The following GFRA1 variants were observed in gnomAD, a reference collection of about 807,000 sequenced individuals.
GFRA1 encodes the protein GDNF family receptor alpha 1, also known as GDNF family receptor alpha-1.
Under a neutral mutation model 51.6 loss-of-function variants are expected in GFRA1, and 16 were observed. The ratio of observed to expected loss-of-function variants is 0.31; its 90% confidence interval spans 0.21 to 0.47. GFRA1 has a LOEUF of 0.47. GFRA1 is among the 20% of genes least tolerant of loss of function. The pLI is 1.00. For synonymous variants in GFRA1, 270 were observed against 241.3 expected (o/e 1.12, Z -1.10); for missense variants, 530 against 594.3 (o/e 0.89, Z 1.13).
chr10:116,191,235 A>G (rs1963233592), intron 5 of GFRA1, among the ~76,000 whole-genome samples: 1 of 152,228 alleles, frequency 6.6e-6, no homozygotes, highest in Admixed American at 6.5e-5. Context: ...TTGAGTGTGC[A>G]TCTATAAATG....
chr10:116,264,993 T>A (rs1441284941), intron 4 of GFRA1, among the ~76,000 whole-genome samples: 1 of 152,236 alleles, frequency 6.6e-6, no homozygotes, highest in Non-Finnish European at 1.5e-5. Context: ...ACATGTAGAC[T>A]TTGTGATAAC....
intron 5 of GFRA1, among the ~76,000 whole-genome samples, chr10:116,196,848 T>TATATATA (rs71010069): frequency 8.3e-6 from 1 of 120,758 alleles, no homozygotes; most frequent in Non-Finnish European, 1.6e-5. Context: ...TATATATATA[T>TATATATA]TTTTTTTCCC....
At chr10:116,204,667 C>T (rs761363394) in intron 5 of GFRA1, among the ~76,000 whole-genome samples, 55 of 151,924 alleles carry the variant, frequency 3.6e-4, no homozygotes, top group Non-Finnish European at 7.2e-4. Context: ...CTCCAAGTGG[C>T]CAAAATGGGA....
chr10:116,181,460 A>G (rs1006101239), intron 5 of GFRA1, among the ~76,000 whole-genome samples: 20 of 152,176 alleles, frequency 1.3e-4, no homozygotes, highest in African/African-American at 4.6e-4. Flanking sequence ...TCTGCCATCC[A>G]TCTCAACACC....
chr10:116,228,271 A>C (rs143924242), intron 4 of GFRA1, among the ~76,000 whole-genome samples: 8 of 152,300 alleles, frequency 5.3e-5, no homozygotes, highest in Non-Finnish European at 1.2e-4. Context: ...ATGTCACTGC[A>C]AACCAAAAGT....
chr10:116,255,742 T>A (rs1366011230), intron 4 of GFRA1: 3 of 1,289,130 alleles, frequency 2.3e-6, no homozygotes. Flanking sequence ...CTTCTTTACA[T>A]GGCATTGCAC....
chr10:116,124,894 G>C (rs949787039), intron 6 of GFRA1, among the ~76,000 whole-genome samples: 2 of 152,166 alleles, frequency 1.3e-5, no homozygotes, highest in African/African-American at 4.8e-5. Flanking sequence ...AGCAGCAGGT[G>C]TGTGCCTTAA....
At chr10:116,155,198 T>C (rs963527878) in intron 5 of GFRA1, among the ~76,000 whole-genome samples, 2 of 152,152 alleles carry the variant, frequency 1.3e-5, no homozygotes, top group African/African-American at 4.8e-5. Context: ...GGGAAATAGA[T>C]TTAAAACAGG....
rs1438891687 is a variant in GFRA1 at position 116,062,813 on chromosome 10, G to T, written c.*1585C>A. ...TGCACTTTCGGGTCTACTTAGTTAAGAAAGAGAATAATGGAAGATGATAAG... is the reference window on the plus strand; with the variant it reads ...TGCACTTTCGGGTCTACTTAGTTAATAAAGAGAATAATGGAAGATGATAAG... On this transcript the variant is annotated 3_prime_UTR_variant, in exon 11 of 11. Coordinates refer to ENST00000355422, the MANE Select transcript of GFRA1 (RefSeq NM_005264.8). 6.6e-6 allele frequency: 1 copy of T among 152,206 alleles called. No homozygotes were observed. The highest frequency in any genetic ancestry group is 1.9e-4 in the East Asian group (1 of 5,192). 9.4% of individuals were successfully genotyped at this position (152,206 alleles called of 1,614,324 possible).
At chr10:116,087,701 C>CGACA (rs1369211594) in intron 9 of GFRA1, among the ~76,000 whole-genome samples, 1 of 152,074 alleles carries the variant, frequency 6.6e-6, no homozygotes, top group East Asian at 1.9e-4. Context: ...TTGTCTTTAC[C>CGACA]GACACCAGAA....
chr10:116,201,169 A>G (rs975127573), intron 5 of GFRA1, among the ~76,000 whole-genome samples: 4 of 152,144 alleles, frequency 2.6e-5, no homozygotes, highest in African/African-American at 9.7e-5. Context: ...GTGGAATTCC[A>G]TCCACTCAGG....
At chr10:116,253,055 T>C (rs190009693) in intron 4 of GFRA1, among the ~76,000 whole-genome samples, 3 of 152,296 alleles carry the variant, frequency 2.0e-5, no homozygotes, top group African/African-American at 7.2e-5. Context: ...CAGACTATGT[T>C]TGAGTTATGG....
intron 5 of GFRA1, among the ~76,000 whole-genome samples, chr10:116,196,274 G>A (rs543553356): frequency 8.6e-5 from 13 of 151,098 alleles, no homozygotes; most frequent in South Asian, 4.2e-4. Flanking sequence ...TGGATCACAA[G>A]GTCAGGAGCT....
chr10:116,269,737 G>A (rs1969950100), intron 3 of GFRA1, 151 bp from the exon 4 acceptor site: 1 of 672,338 alleles, frequency 1.5e-6, no homozygotes, highest in African/African-American at 1.8e-5. Context: ...CTTTCACTAT[G>A]GTTATTTCTT....
intron 5 of GFRA1, among the ~76,000 whole-genome samples, chr10:116,130,570 T>C (rs961120303): frequency 6.6e-6 from 1 of 152,044 alleles, no homozygotes; most frequent in Non-Finnish European, 1.5e-5. Flanking sequence ...AATTGAACAA[T>C]GGAAAAGAAG....
At chr10:116,184,474 A>G (rs942684162) in intron 5 of GFRA1, among the ~76,000 whole-genome samples, 1 of 152,174 alleles carries the variant, frequency 6.6e-6, no homozygotes, top group Non-Finnish European at 1.5e-5. Flanking sequence ...TCCCCAGTGG[A>G]GCAACACATC....
At chr10:116,140,505 A>G (rs944554596) in intron 5 of GFRA1, among the ~76,000 whole-genome samples, 1 of 152,224 alleles carries the variant, frequency 6.6e-6, no homozygotes, top group African/African-American at 2.4e-5. Context: ...ATGCGGTTCA[A>G]AGATTTGGCT....
intron 5 of GFRA1, among the ~76,000 whole-genome samples, chr10:116,155,933 C>A (rs564164046): frequency 6.6e-5 from 10 of 152,322 alleles, no homozygotes; most frequent in African/African-American, 2.4e-4. Flanking sequence ...AGCACACCCA[C>A]CAAAAGCAAA....
At chr10:116,175,666 G>A (rs1961512403) in intron 5 of GFRA1, among the ~76,000 whole-genome samples, 1 of 152,100 alleles carries the variant, frequency 6.6e-6, no homozygotes, top group African/African-American at 2.4e-5. Flanking sequence ...TCCTATCATG[G>A]GGAAAGGGTG....
Sources: allele counts gnomAD v4.1 joint callset (sites outside exome capture counted in the v4.1 genomes callset), GRCh38; gene constraint gnomAD v4.1.1; transcripts MANE v1.5; gene names NCBI Gene and HGNC (gene_info 2026-07-23, HGNC 2026-07-21).